DSCAM: variants seen among roughly 807,000 people sequenced by gnomAD.
DSCAM encodes the protein DS cell adhesion molecule, also known as cell adhesion molecule DSCAM.
A neutral mutation model predicts 217.7 loss-of-function variants in DSCAM; 47 were observed. The ratio of observed to expected loss-of-function variants is 0.22; its 90% CI spans 0.17 to 0.28. The LOEUF is 0.28. DSCAM is among the 10% of genes least tolerant of loss of function. The pLI, the probability that DSCAM is intolerant of heterozygous loss-of-function variation, is 1.00. For missense variants in DSCAM, 2,080 were observed against 2,618.3 expected (o/e 0.79, Z 4.49); for synonymous variants, 1,056 against 1,015.3 (o/e 1.04, Z -0.76).
At chr21:40,791,297 G>A (rs765190701) in intron 1 of DSCAM, among the ~76,000 whole-genome samples, 2 of 151,804 alleles carry the variant, frequency 1.3e-5, no homozygotes, top group South Asian at 2.1e-4. Flanking sequence ...CTAATAAAGC[G>A]TGCAACACTG....
chr21:40,076,235 G>A (rs2089364162), intron 26 of DSCAM, among the ~76,000 whole-genome samples: 1 of 152,058 alleles, frequency 6.6e-6, no homozygotes, highest in South Asian at 2.1e-4. Flanking sequence ...GGAAGCCCAA[G>A]TCTCCAAATG....
intron 20 of DSCAM, among the ~76,000 whole-genome samples, chr21:40,094,737 A>G (rs1026261696): frequency 6.6e-6 from 1 of 152,242 alleles, no homozygotes; most frequent in Non-Finnish European, 1.5e-5. Flanking sequence ...ATACCACTCC[A>G]GTCTTTCCTA....
At chr21:40,487,247 CTT>C (rs1430489475) in intron 3 of DSCAM, among the ~76,000 whole-genome samples, 9 of 118,356 alleles carry the variant, frequency 7.6e-5, no homozygotes, top group South Asian at 2.6e-4. Flanking sequence ...CTCTCTCTCT[CTT>C]TCTCTCCCTC....
At chr21:40,288,755 C>T (rs2073856859) in intron 10 of DSCAM, among the ~76,000 whole-genome samples, 2 of 152,198 alleles carry the variant, frequency 1.3e-5, no homozygotes, top group South Asian at 4.1e-4. Context: ...TACATACTGA[C>T]TAATGGCTAT....
At position 40,080,250 on chromosome 21, in the gene DSCAM, A is replaced by T; in HGVS notation, c.4322T>A (p.Leu1441His). The change falls in exon 25 of 33, where the codon CTC becomes CAC. Residue 1441 changes from leucine (L) to histidine (H), a missense_variant. Coordinates refer to ENST00000400454, the MANE Select transcript of DSCAM (RefSeq NM_001389.5). ...GAACTTATACCAAGTCCCACATTTG[A>T]GATTTTCCAAGCGATAGGAACGTTC... Reference protein sequence around the residue: ...PSERSYRLENLKCGTWYKFTL... With the variant: ...PSERSYRLENHKCGTWYKFTL... The T allele has an allele frequency of 6.2e-7, 1 of 1,613,496 alleles. No homozygotes were observed. The highest frequency in any genetic ancestry group is 8.5e-7 in the Non-Finnish European group (1 of 1,179,912).
At chr21:40,052,443 TTC>T (rs1334859181) in intron 29 of DSCAM, among the ~76,000 whole-genome samples, 5 of 152,162 alleles carry the variant, frequency 3.3e-5, no homozygotes, top group Non-Finnish European at 5.9e-5. Flanking sequence ...TGTCAAAAGC[TTC>T]TCTGAGACAT....
intron 11 of DSCAM, among the ~76,000 whole-genome samples, chr21:40,205,971 C>T (rs745678675): frequency 1.3e-5 from 2 of 152,178 alleles, no homozygotes; most frequent in Non-Finnish European, 2.9e-5. Context: ...TTATATTCGA[C>T]ATGGAACTAT....
chr21:40,063,184 A>G (rs1384746317), intron 27 of DSCAM, among the ~76,000 whole-genome samples: 1 of 152,194 alleles, frequency 6.6e-6, no homozygotes, highest in Non-Finnish European at 1.5e-5. Flanking sequence ...AGTCACTTCT[A>G]GGAAATCCAA....
At chr21:40,143,155 G>C (rs2090313511) in intron 17 of DSCAM, among the ~76,000 whole-genome samples, 1 of 152,208 alleles carries the variant, frequency 6.6e-6, no homozygotes, top group Non-Finnish European at 1.5e-5. Flanking sequence ...CCATTGTAAA[G>C]TGCTAAAAAG....
At chr21:40,455,596 G>A (rs536160597) in intron 3 of DSCAM, among the ~76,000 whole-genome samples, 18 of 152,052 alleles carry the variant, frequency 1.2e-4, no homozygotes, top group South Asian at 4.2e-4. Context: ...GCGAAACCCC[G>A]TCTCTACTGT....
intron 1 of DSCAM, among the ~76,000 whole-genome samples, chr21:40,800,374 G>A (rs556182669): frequency 1.3e-5 from 2 of 152,290 alleles, no homozygotes; most frequent in East Asian, 3.9e-4. Context: ...AATGGGCAGA[G>A]GATGGAAGCT....
intron 32 of DSCAM, among the ~76,000 whole-genome samples, chr21:40,022,370 C>T (rs555495835): frequency 3.9e-5 from 6 of 152,326 alleles, no homozygotes; most frequent in South Asian, 4.1e-4. Flanking sequence ...CAAATACTAA[C>T]GGTGCTGCTG....
intron 11 of DSCAM, among the ~76,000 whole-genome samples, chr21:40,195,785 C>G (rs571372556): frequency 6.6e-6 from 1 of 152,280 alleles, no homozygotes; most frequent in Non-Finnish European, 1.5e-5. Context: ...AGGAGATGCT[C>G]TGGGACATAA....
At chr21:40,705,913 G>T (rs968668276) in intron 2 of DSCAM, among the ~76,000 whole-genome samples, 2 of 152,122 alleles carry the variant, frequency 1.3e-5, no homozygotes. Context: ...GGCCGGGGTC[G>T]CTCATGCCTG....
At chr21:40,433,330 A>T (rs2075553335) in intron 3 of DSCAM, among the ~76,000 whole-genome samples, 1 of 147,954 alleles carries the variant, frequency 6.8e-6, no homozygotes. Flanking sequence ...CTTGGGTGAC[A>T]GAGTAAGACT....
intron 9 of DSCAM, among the ~76,000 whole-genome samples, chr21:40,306,075 C>T (rs1183405786): frequency 6.6e-6 from 1 of 151,858 alleles, no homozygotes; most frequent in Non-Finnish European, 1.5e-5. Flanking sequence ...TACCCATGAG[C>T]ATGGAATGTT....
intron 3 of DSCAM, among the ~76,000 whole-genome samples, chr21:40,443,090 G>T (rs1194338497): frequency 6.6e-6 from 1 of 152,196 alleles, no homozygotes; most frequent in East Asian, 1.9e-4. Context: ...TCTCACACCT[G>T]TGGATCATAT....
intron 3 of DSCAM, among the ~76,000 whole-genome samples, chr21:40,650,706 T>G (rs1812235): frequency 0.4 from 61,152 of 152,010 alleles, 12,721 homozygotes; most frequent in East Asian, 0.62. Context: ...ATGAGGTCAG[T>G]AGTTCAAGAC....
At chr21:40,282,647 A>G (rs1381115718) in intron 10 of DSCAM, among the ~76,000 whole-genome samples, 1 of 150,156 alleles carries the variant, frequency 6.7e-6, no homozygotes, top group Non-Finnish European at 1.5e-5. Context: ...ATTTCAAATT[A>G]TATAAAACTG....
Sources: allele counts gnomAD v4.1 joint callset (sites outside exome capture counted in the v4.1 genomes callset), GRCh38; gene constraint gnomAD v4.1.1; transcripts MANE v1.5; gene names NCBI Gene and HGNC (gene_info 2026-07-23, HGNC 2026-07-21).